RBM18: variants seen among roughly 807,000 people sequenced by gnomAD.
RBM18 encodes RNA binding motif protein 18, also known as probable RNA-binding protein 18.
A neutral mutation model predicts 26.4 loss-of-function variants in RBM18; 18 were observed. The observed-to-expected ratio is 0.68, with a 90% CI of 0.47 to 1.01. The LOEUF is 1.01. RBM18 is among the 50% of genes least tolerant of loss of function. The pLI is 0.00. For missense variants in RBM18, 180 were observed against 219.2 expected (o/e 0.82, Z 1.13); for synonymous variants, 74 against 81.1 (o/e 0.91, Z 0.47).
At chr9:122,253,032 T>C (rs902850400) in intron 2 of RBM18, among the ~76,000 whole-genome samples, 1 of 152,210 alleles carries the variant, frequency 6.6e-6, no homozygotes, top group African/African-American at 2.4e-5. Flanking sequence ...GCTATTCAAA[T>C]GGAGTCAAGG....
chr9:122,261,637 G>C, intron 1 of RBM18, 129 bp from the exon 2 acceptor site: 1 of 636,120 alleles, frequency 1.6e-6, no homozygotes, highest in African/African-American at 1.8e-5. Context: ...AGGCCTCAGT[G>C]ATTCCACAAC....
Position 122,245,296 on chromosome 9 carries a change from C to T in RBM18, c.373G>A (p.Glu125Lys), listed in dbSNP as rs766532373. 15 of 1,610,896 alleles carry T rather than the reference C, an allele frequency of 9.3e-6. No homozygotes were observed. Among genetic ancestry groups the T allele is most frequent in the South Asian group, 7.7e-5 (7 of 90,994 alleles). Residue 125 changes from glutamate to lysine, a missense_variant, in exon 5 of 6, where the codon GAG becomes AAG. Physicochemically the swap from Glu to Lys is moderately conservative, Grantham distance 56. Around this residue, in one of 3 missense-constraint regions of RBM18, gnomAD observed 103 missense variants for 102.8 expected, o/e 1.00. Transcript: ENST00000417201. ...KNDKILPISLEPSSSTEPTQS... is the reference protein window; with the variant it reads ...KNDKILPISLKPSSSTEPTQS... ...GTAGGCTCAGTGCTTGAGGATGGCT[C>T]GAGACTGATTGGAAGAATCTTATCA...
intron 5 of RBM18, among the ~76,000 whole-genome samples, chr9:122,242,829 G>GTT (rs1393174469): frequency 1.3e-5 from 2 of 151,814 alleles, no homozygotes; most frequent in East Asian, 1.9e-4. Flanking sequence ...ATCTGAATTT[G>GTT]TTTTTGTTTT....
chr9:122,247,381 G>A (rs1588379672), intron 4 of RBM18, 137 bp downstream of exon 4: 2 of 707,070 alleles, frequency 2.8e-6, no homozygotes, highest in East Asian at 2.7e-5. Flanking sequence ...AACACACATG[G>A]TAGATACAAG....
chr9:122,262,619 T>C (rs1378220509), intron 1 of RBM18, among the ~76,000 whole-genome samples: 2 of 152,232 alleles, frequency 1.3e-5, no homozygotes, highest in East Asian at 1.9e-4. Context: ...ACTCTCGCTC[T>C]GTTGCCCAGA....
chr9:122,246,913 G>C (rs553341388), intron 4 of RBM18, among the ~76,000 whole-genome samples: 1 of 151,692 alleles, frequency 6.6e-6, no homozygotes, highest in Admixed American at 6.6e-5. Flanking sequence ...CATTTGTTTT[G>C]TTTTTTTTAA....
chr9:122,252,348 A>C (rs1191366728), intron 2 of RBM18, among the ~76,000 whole-genome samples: 1 of 152,226 alleles, frequency 6.6e-6, no homozygotes, highest in African/African-American at 2.4e-5. Flanking sequence ...GAATAACTAT[A>C]ACTCCATCAG....
chr9:122,245,164 T>G, intron 5 of RBM18, 92 bp downstream of exon 5: 1 of 766,058 alleles, frequency 1.3e-6, no homozygotes, highest in South Asian at 1.5e-5. Context: ...TCTAAGAGTC[T>G]GAAGACTCAC....
intron 1 of RBM18, among the ~76,000 whole-genome samples, chr9:122,264,325 G>A (rs1187708364): frequency 6.6e-6 from 1 of 152,184 alleles, no homozygotes; most frequent in East Asian, 1.9e-4. Flanking sequence ...AGATCAAGAC[G>A]GCACGGGACT....
At chr9:122,250,779 T>G (rs1019457179) in intron 3 of RBM18, among the ~76,000 whole-genome samples, 5 of 152,156 alleles carry the variant, frequency 3.3e-5, no homozygotes, top group Non-Finnish European at 7.4e-5. Context: ...GATATATGAC[T>G]AAGTGTTAAC....
At chr9:122,261,303 T>C (rs1437217621) in intron 2 of RBM18, 77 bp downstream of exon 2, 1 of 1,002,104 alleles carries the variant, frequency 1.0e-6, no homozygotes, top group Middle Eastern at 2.1e-4. Context: ...CCCACACCCC[T>C]TGAAAATTCT....
intron 5 of RBM18, chr9:122,243,950 T>C (rs1424110919): frequency 1.3e-6 from 1 of 782,992 alleles, no homozygotes; most frequent in African/African-American, 1.9e-5. Flanking sequence ...TAAAGACATG[T>C]TCATTGTAAC....
At chr9:122,243,793 T>C in intron 5 of RBM18, 3 of 985,392 alleles carry the variant, frequency 3.0e-6, no homozygotes, top group Non-Finnish European at 3.6e-6. Context: ...TGGTCACTGA[T>C]TTTGTATAAG....
chr9:122,262,616 C>A (rs1831820085), intron 1 of RBM18, among the ~76,000 whole-genome samples: 1 of 152,166 alleles, frequency 6.6e-6, no homozygotes, highest in African/African-American at 2.4e-5. Context: ...CAGACTCTCG[C>A]TCTGTTGCCC....
At position 122,241,168 on chromosome 9, in the gene RBM18, C is replaced by T. The variant is rs1242639172; in HGVS notation, c.*716G>A. ...TATTTAGATTTGAAAAAAATGGTTG[C>T]TATAGAATAAAAGTTCAATTTCCAA... On this transcript the variant is annotated 3_prime_UTR_variant, in exon 6 of 6. Transcript: ENST00000417201. 6.6e-6 allele frequency: 1 copy of T among 152,102 alleles called. No homozygotes were observed. The highest frequency in any genetic ancestry group is 1.5e-5 in the Non-Finnish European group (1 of 68,022). 9.4% of individuals were successfully genotyped at this position (152,102 alleles called of 1,614,324 possible).
At chr9:122,251,819 T>A in intron 3 of RBM18, 28 bp downstream of exon 3, 1 of 1,604,378 alleles carries the variant, frequency 6.2e-7, no homozygotes, top group Non-Finnish European at 8.5e-7. Context: ...TTGATAAATA[T>A]TATAAAATGG....
intron 2 of RBM18, among the ~76,000 whole-genome samples, chr9:122,257,732 A>C (rs1054345405): frequency 2.6e-5 from 4 of 152,238 alleles, no homozygotes; most frequent in African/African-American, 9.6e-5. Context: ...GTCTTCTAAC[A>C]AGCGGTAAAA....
chr9:122,253,253 C>A (rs1162669499), intron 2 of RBM18, among the ~76,000 whole-genome samples: 1 of 152,042 alleles, frequency 6.6e-6, no homozygotes, highest in Non-Finnish European at 1.5e-5. Flanking sequence ...TGAAATGGAC[C>A]ATACACTATA....
rs1831372144 is a variant in RBM18, at chr9:122,239,115, A to G, written c.*2769T>C. 1 of 152,246 alleles carries G rather than the reference A, an allele frequency of 6.6e-6. No individual in the cohort carries two copies. The highest frequency in any genetic ancestry group is 1.5e-5 in the Non-Finnish European group (1 of 68,034). The allele number at this position is 152,246 out of a possible 1,614,324, so 9.4% of individuals were successfully genotyped here. A position where few individuals can be genotyped will look rare whatever the true frequency, so the allele number is the denominator to read the frequency against. On this transcript the variant is annotated 3_prime_UTR_variant, in exon 6 of 6. Coordinates refer to ENST00000417201, the MANE Select transcript of RBM18 (RefSeq NM_033117.4). ...GTAGTAGTATAAAAGAATCACAGAT[A>G]TATTTGTTGATTCAGAAACTGTGCA...
Sources: allele counts gnomAD v4.1 joint callset (sites outside exome capture counted in the v4.1 genomes callset), GRCh38; gene constraint gnomAD v4.1.1; regional missense constraint gnomAD v4.1.1; transcripts MANE v1.5; gene names NCBI Gene and HGNC (gene_info 2026-07-23, HGNC 2026-07-21).